The following CNTN4 variants were observed in gnomAD, a reference collection of about 807,000 sequenced individuals.
The protein encoded by CNTN4 is contactin 4.
CNTN4 carries 77 observed loss-of-function variants against 122.5 expected under a neutral mutation model. The ratio of observed to expected loss-of-function variants is 0.63; its 90% confidence interval spans 0.52 to 0.76. CNTN4 has a LOEUF of 0.76. Ranked by LOEUF, CNTN4 falls within the 30% of genes least tolerant of loss-of-function variation. The pLI, the probability that CNTN4 is intolerant of heterozygous loss-of-function variation, is 0.00. For synonymous variants in CNTN4, 512 were observed against 447.0 expected (o/e 1.15, Z -1.83); for missense variants, 1,256 against 1,259.1 (o/e 1.00, Z 0.04).
intron 13 of CNTN4, among the ~76,000 whole-genome samples, chr3:2,930,298 G>A (rs1365960026): frequency 6.6e-6 from 1 of 152,154 alleles, no homozygotes; most frequent in Non-Finnish European, 1.5e-5. Flanking sequence ...AAAGGATGAT[G>A]ATTATTATTG....
chr3:2,187,634 T>A (rs956425031), intron 2 of CNTN4, among the ~76,000 whole-genome samples: 2 of 152,198 alleles, frequency 1.3e-5, no homozygotes, highest in African/African-American at 4.8e-5. Context: ...TTAGTTGTAG[T>A]GTGTGTGAGG....
At chr3:2,453,414 G>A (rs1057058670) in intron 3 of CNTN4, among the ~76,000 whole-genome samples, 5 of 152,132 alleles carry the variant, frequency 3.3e-5, no homozygotes, top group African/African-American at 1.2e-4. Context: ...TCGAAAAGCA[G>A]TAATGATAGC....
chr3:2,297,740 T>C (rs1475444907), intron 2 of CNTN4, among the ~76,000 whole-genome samples: 1 of 152,186 alleles, frequency 6.6e-6, no homozygotes, highest in Non-Finnish European at 1.5e-5. Context: ...TTTTCTTTTG[T>C]TTTGTCTGAG....
chr3:2,406,692 G>C lies in CNTN4; in HGVS notation c.-89+67459G>C, dbSNP rs77803899. Among the ~76,000 whole-genome samples, 985 of 152,072 alleles carry C rather than the reference G, an allele frequency of 6.5e-3. 11 individuals are homozygous for C. Among genetic ancestry groups the C allele is most frequent in the African/African-American group, 0.023 (942 of 41,476 alleles). On this transcript the variant is annotated intron_variant, in intron 3 of 24. Coordinates refer to ENST00000418658, the MANE Select transcript of CNTN4 (RefSeq NM_175607.3). ...ACATACCTCTTTTGAGTCTCACATT[G>C]TCCATCTGTAAAGTTTGCCTAACAA...
At chr3:2,180,426 A>T (rs1486813741) in intron 2 of CNTN4, among the ~76,000 whole-genome samples, 1 of 152,052 alleles carries the variant, frequency 6.6e-6, no homozygotes, top group Non-Finnish European at 1.5e-5. Context: ...CTTGGCTATC[A>T]TCTTTGACCA....
chr3:2,361,326 A>C (rs1037176739), intron 3 of CNTN4, among the ~76,000 whole-genome samples: 1 of 152,228 alleles, frequency 6.6e-6, no homozygotes, highest in Non-Finnish European at 1.5e-5. Context: ...TTTGTCCCTC[A>C]GGAGATACTT....
intron 4 of CNTN4, among the ~76,000 whole-genome samples, chr3:2,616,944 A>G (rs2081772244): frequency 6.6e-6 from 1 of 152,216 alleles, no homozygotes; most frequent in Non-Finnish European, 1.5e-5. Context: ...CCATACGCAG[A>G]AAACTGAAAC....
chr3:2,874,251 C>T (rs1372152516), intron 8 of CNTN4, among the ~76,000 whole-genome samples: 1 of 152,092 alleles, frequency 6.6e-6, no homozygotes, highest in Admixed American at 6.5e-5. Flanking sequence ...GTTAAGTGCT[C>T]GTTGTGTGTG....
chr3:2,303,922 G>A (rs747521962), intron 2 of CNTN4, among the ~76,000 whole-genome samples: 6 of 152,100 alleles, frequency 3.9e-5, no homozygotes, highest in South Asian at 2.1e-4. Context: ...CTGTGTAAAC[G>A]GTATATTTTG....
At chr3:2,220,828 G>A (rs1559353773) in intron 2 of CNTN4, among the ~76,000 whole-genome samples, 1 of 151,928 alleles carries the variant, frequency 6.6e-6, no homozygotes, top group African/African-American at 2.4e-5. Context: ...TTTTACTCAG[G>A]ATACATCTTA....
rs145790899 is a variant in CNTN4, at chr3:3,039,845, C to A, written c.2164-192C>A. ...CTGCAGATCCTCATTACGTTTTCAA[C>A]CCTGTCCAGTACATCATAACTGTTT... On this transcript the variant is annotated intron_variant, in intron 19 of 24. Coordinates refer to ENST00000418658, the MANE Select transcript of CNTN4 (RefSeq NM_175607.3). 3 of 602,108 alleles carry A rather than the reference C, an allele frequency of 5.0e-6. No individual in the cohort carries two copies. The African/African-American group carries it at 5.5e-5, about 11-fold the overall frequency. 37.3% of individuals were successfully genotyped at this position (602,108 alleles called of 1,614,324 possible).
chr3:2,729,565 AAG>A (rs1576593063), intron 4 of CNTN4, among the ~76,000 whole-genome samples: 1 of 138,222 alleles, frequency 7.2e-6, no homozygotes, highest in East Asian at 2.2e-4. Context: ...AAAAAAAAAG[AAG>A]AGAAAAGAAA....
chr3:2,215,342 A>AT (rs1319310999), intron 2 of CNTN4, among the ~76,000 whole-genome samples: 6 of 152,108 alleles, frequency 3.9e-5, no homozygotes, highest in Non-Finnish European at 7.4e-5. Context: ...GTGTAACACT[A>AT]TTTTCTGACT....
intron 2 of CNTN4, among the ~76,000 whole-genome samples, chr3:2,265,718 T>G (rs1312588878): frequency 1.3e-5 from 2 of 151,934 alleles, no homozygotes; most frequent in Admixed American, 6.6e-5. Context: ...TTTCTTCATT[T>G]TTAATGTTCT....
intron 3 of CNTN4, among the ~76,000 whole-genome samples, chr3:2,492,929 A>C (rs966591555): frequency 3.3e-5 from 5 of 152,202 alleles, no homozygotes; most frequent in Non-Finnish European, 7.4e-5. Context: ...TTGATGGTAC[A>C]GTTACACAGA....
At chr3:2,892,073 C>G (rs769911390) in intron 10 of CNTN4, 1 of 152,114 alleles carries the variant, frequency 6.6e-6, no homozygotes, top group Admixed American at 6.5e-5. Context: ...GAAATTGAGT[C>G]CCAAAGAGAT....
chr3:2,874,581 T>G (rs1310903648), intron 8 of CNTN4, among the ~76,000 whole-genome samples: 1 of 152,104 alleles, frequency 6.6e-6, no homozygotes, highest in Non-Finnish European at 1.5e-5. Flanking sequence ...GAAGCCTAAT[T>G]GCAGTTAGAA....
At chr3:2,289,574 T>G (rs2042058563) in intron 2 of CNTN4, among the ~76,000 whole-genome samples, 1 of 152,178 alleles carries the variant, frequency 6.6e-6, no homozygotes, top group Non-Finnish European at 1.5e-5. Context: ...TTGAACACAG[T>G]TCAGGGGAGG....
At chr3:2,311,783 G>C (rs1303466587) in intron 2 of CNTN4, among the ~76,000 whole-genome samples, 1 of 152,074 alleles carries the variant, frequency 6.6e-6, no homozygotes, top group Non-Finnish European at 1.5e-5. Flanking sequence ...TCATTATTTA[G>C]AAAATTGCTT....
Sources: allele counts gnomAD v4.1 joint callset (sites outside exome capture counted in the v4.1 genomes callset), GRCh38; gene constraint gnomAD v4.1.1; transcripts MANE v1.5; gene names NCBI Gene and HGNC (gene_info 2026-07-23, HGNC 2026-07-21).